Variants in ESRRG observed in about 807,000 individuals in gnomAD.
The protein encoded by ESRRG is estrogen-related receptor gamma.
A neutral mutation model predicts 44.0 loss-of-function variants in ESRRG; 13 were observed. That is an observed-to-expected ratio of 0.30 (90% confidence interval 0.19 to 0.47). The LOEUF is 0.47. ESRRG is among the 20% of genes least tolerant of loss of function. The probability of loss-of-function intolerance (pLI) is 1.00; values close to 1 mark genes in which losing one functional copy is unlikely to be tolerated. For missense variants in ESRRG, 395 were observed against 580.6 expected, an observed-to-expected ratio of 0.68 and a Z score of 3.29; for synonymous variants, 215 against 214.6, an observed-to-expected ratio of 1.00 and a Z score of -0.02.
chr1:216,646,559 G>A (rs1390517063), intron 3 of ESRRG, among the ~76,000 whole-genome samples: 1 of 152,136 alleles, frequency 6.6e-6, no homozygotes, highest in Admixed American at 6.5e-5. Context: ...AAGCCACCTG[G>A]CCCTGAAGCT....
At chr1:217,004,394 GT>G (rs894703865) in intron 1 of ESRRG, among the ~76,000 whole-genome samples, 2 of 152,132 alleles carry the variant, frequency 1.3e-5, no homozygotes, top group Non-Finnish European at 2.9e-5. Context: ...AGAGCTGATG[GT>G]TTTATAAATG....
At chr1:216,589,951 C>T (rs1357056827) in intron 3 of ESRRG, among the ~76,000 whole-genome samples, 6 of 123,706 alleles carry the variant, frequency 4.9e-5, no homozygotes, top group African/African-American at 1.9e-4. Context: ...AGAAATTTAG[C>T]CCACAAAATA....
chr1:216,508,245 A>G (rs2041743459), intron 6 of ESRRG, among the ~76,000 whole-genome samples: 1 of 152,250 alleles, frequency 6.6e-6, no homozygotes, highest in Non-Finnish European at 1.5e-5. Flanking sequence ...AAAATGAAAT[A>G]TGGCAAACTA....
At chr1:217,011,074 G>A (rs1218773093) in intron 1 of ESRRG, among the ~76,000 whole-genome samples, 1 of 152,046 alleles carries the variant, frequency 6.6e-6, no homozygotes, top group Non-Finnish European at 1.5e-5. Flanking sequence ...ACCACCAAAC[G>A]CCATCAACTC....
intron 2 of ESRRG, chr1:216,805,300 A>C (rs1434925045): frequency 6.6e-6 from 1 of 152,216 alleles, no homozygotes; most frequent in African/African-American, 2.4e-5. Flanking sequence ...ATCGGTACAC[A>C]CACAACAGTC....
At chr1:216,841,731 A>T (rs1418488138) in intron 2 of ESRRG, among the ~76,000 whole-genome samples, 1 of 152,192 alleles carries the variant, frequency 6.6e-6, no homozygotes, top group African/African-American at 2.4e-5. Flanking sequence ...GGAATAAAAG[A>T]CAAAAAAGGC....
chr1:216,569,246 G>GGAAAA (rs2060335696), intron 3 of ESRRG, among the ~76,000 whole-genome samples: 1 of 133,004 alleles, frequency 7.5e-6, no homozygotes, highest in Admixed American at 8.6e-5. Flanking sequence ...GGAAAGGAAA[G>GGAAAA]GAAAGGAAAG....
intron 2 of ESRRG, chr1:216,805,258 C>T (rs892726782): frequency 6.6e-6 from 1 of 152,140 alleles, no homozygotes; most frequent in African/African-American, 2.4e-5. Flanking sequence ...GACTAATTTC[C>T]TACTTCACCA....
intron 1 of ESRRG, among the ~76,000 whole-genome samples, chr1:216,950,708 T>C (rs775396261): frequency 2.0e-5 from 3 of 152,220 alleles, no homozygotes; most frequent in Non-Finnish European, 2.9e-5. Flanking sequence ...TTATAAGCAA[T>C]GATTATCTAT....
intron 1 of ESRRG, among the ~76,000 whole-genome samples, chr1:217,097,423 A>T (rs928321393): frequency 2.6e-5 from 4 of 152,232 alleles, no homozygotes; most frequent in African/African-American, 9.6e-5. Context: ...TCCGGGCAAG[A>T]AAATAACACT....
chr1:216,885,273 T>A (rs2096498729), intron 2 of ESRRG, among the ~76,000 whole-genome samples: 1 of 152,186 alleles, frequency 6.6e-6, no homozygotes, highest in Non-Finnish European at 1.5e-5. Context: ...GTATACACTA[T>A]ATGAGAATAT....
At position 216,879,524 on chromosome 1, in the gene ESRRG, A is replaced by T. The variant is rs1224349007; in HGVS notation, c.-14+60058T>A. On this transcript the variant is annotated intron_variant, in intron 2 of 7. Coordinates refer to the ESRRG transcript ENST00000359162. ...AAAAAAAGAAGAAGAAGAAAAAGGC[A>T]GTTTAAAAAAGATACCAGCTGCCAC... Among the ~76,000 whole-genome samples, 4 of 150,162 alleles carry T rather than the reference A, an allele frequency of 2.7e-5. No individual in the cohort carries two copies. In the East Asian group the frequency reaches 7.8e-4, roughly 29 times the overall value.
chr1:217,099,158 G>C (rs746779700), intron 1 of ESRRG, among the ~76,000 whole-genome samples: 2 of 152,170 alleles, frequency 1.3e-5, no homozygotes, highest in Admixed American at 1.3e-4. Flanking sequence ...GCACAGAGTA[G>C]GTGTTCAATA....
intron 1 of ESRRG, among the ~76,000 whole-genome samples, chr1:217,121,631 A>G (rs1048539546): frequency 6.6e-6 from 1 of 152,180 alleles, no homozygotes; most frequent in African/African-American, 2.4e-5. Context: ...AAGTCAAAGC[A>G]CACCACCCTG....
At chr1:217,066,547 G>A (rs1405141883) in intron 1 of ESRRG, among the ~76,000 whole-genome samples, 1 of 152,132 alleles carries the variant, frequency 6.6e-6, no homozygotes, top group African/African-American at 2.4e-5. Flanking sequence ...GGCCTCCCAT[G>A]GGGAGAATTC....
intron 1 of ESRRG, among the ~76,000 whole-genome samples, chr1:217,109,810 A>G (rs2092640758): frequency 6.6e-6 from 1 of 152,180 alleles, no homozygotes; most frequent in African/African-American, 2.4e-5. Flanking sequence ...AGTGGAAAAG[A>G]AAGCAAAAAA....
chr1:216,779,307 T>A (rs1268986067), intron 2 of ESRRG, among the ~76,000 whole-genome samples: 2 of 19,378 alleles, frequency 1.0e-4, no homozygotes, highest in African/African-American at 6.0e-4. Context: ...TTTATAAACA[T>A]TATATTTATA....
intron 2 of ESRRG, among the ~76,000 whole-genome samples, chr1:216,873,863 C>T (rs550648940): frequency 2.5e-4 from 29 of 117,706 alleles, no homozygotes; most frequent in South Asian, 6.2e-4. Flanking sequence ...AAAGAAGAGA[C>T]GGACAGGAGA....
intron 1 of ESRRG, among the ~76,000 whole-genome samples, chr1:216,710,193 C>T (rs2083312807): frequency 6.6e-6 from 1 of 152,178 alleles, no homozygotes; most frequent in Admixed American, 6.5e-5. Context: ...TTAGTACACA[C>T]TTCGGTTCAG....
Sources: gnomAD v4.1 joint callset for allele counts (sites outside exome capture counted in the v4.1 genomes callset) on GRCh38, gnomAD v4.1.1 for gene constraint, MANE v1.5 for transcripts, NCBI Gene and HGNC (gene_info 2026-07-23, HGNC 2026-07-21) for gene names.